Variants in BRAF observed in about 807,000 individuals in gnomAD.
BRAF encodes B-Raf proto-oncogene, serine/threonine kinase.
BRAF carries 16 observed loss-of-function variants against 104.6 expected under a neutral mutation model. The observed-to-expected ratio is 0.15, with a 90% confidence interval of 0.10 to 0.23. BRAF has a LOEUF of 0.23. Ranked by LOEUF, BRAF falls within the 10% of genes least tolerant of loss-of-function variation. The pLI, the probability that BRAF is intolerant of heterozygous loss-of-function variation, is 1.00. For missense variants in BRAF, 541 were observed against 937.3 expected (o/e 0.58, Z 5.52); for synonymous variants, 310 against 341.6 (o/e 0.91, Z 1.02).
chr7:140,876,678 A>T (rs973580308), intron 1 of BRAF, among the ~76,000 whole-genome samples: 1 of 152,174 alleles, frequency 6.6e-6, no homozygotes, highest in East Asian at 1.9e-4. Context: ...GAACATTACA[A>T]ATAGGAAAAC....
chr7:140,719,255 GTCTA>G, downstream of BRAF: 1 of 604,444 alleles, frequency 1.7e-6, no homozygotes, highest in Non-Finnish European at 2.1e-6. Flanking sequence ...TCTCTCCATT[GTCTA>G]GAAAAACTGT....
At chr7:140,798,490 G>A (rs910423785) in intron 7 of BRAF, among the ~76,000 whole-genome samples, 5 of 150,086 alleles carry the variant, frequency 3.3e-5, no homozygotes, top group African/African-American at 4.9e-5. Flanking sequence ...ATGATCTCCC[G>A]ACCTCGTGAT....
intron 3 of BRAF, among the ~76,000 whole-genome samples, chr7:140,814,807 T>C (rs562676089): frequency 6.8e-6 from 1 of 146,278 alleles, no homozygotes; most frequent in South Asian, 2.1e-4. Context: ...ATATATTATA[T>C]ATAACATATA....
At chr7:140,851,197 T>C (rs1311739950) in intron 1 of BRAF, among the ~76,000 whole-genome samples, 1 of 145,210 alleles carries the variant, frequency 6.9e-6, no homozygotes, top group Non-Finnish European at 1.5e-5. Context: ...AGTAATCAGG[T>C]TTTTTTTCTT....
intron 9 of BRAF, chr7:140,785,890 C>T (rs1267646): frequency 0.22 from 86,676 of 397,150 alleles, 15,407 homozygotes; most frequent in African/African-American, 0.66. Flanking sequence ...GGGGAATAAA[C>T]AAGATGAATT....
chr7:140,814,925 T>C (rs1804703692), intron 3 of BRAF, among the ~76,000 whole-genome samples: 1 of 150,778 alleles, frequency 6.6e-6, no homozygotes. Flanking sequence ...TGTTTAATTC[T>C]TTGAGATAGT....
intron 1 of BRAF, among the ~76,000 whole-genome samples, chr7:140,915,395 A>C (rs1817507551): frequency 2.0e-5 from 3 of 152,006 alleles, no homozygotes. Flanking sequence ...AAAATATAAA[A>C]CAAAAGTATT....
chr7:140,754,019 G>C, intron 15 of BRAF, 168 bp downstream of exon 14: 1 of 690,712 alleles, frequency 1.4e-6, no homozygotes, highest in Non-Finnish European at 2.5e-6. Flanking sequence ...ACCAAAAGCA[G>C]GCTGTGGTAT....
chr7:140,745,582 C>T (rs1797284306), intron 17 of BRAF, among the ~76,000 whole-genome samples: 2 of 152,182 alleles, frequency 1.3e-5, no homozygotes, highest in African/African-American at 4.8e-5. Flanking sequence ...ATTTTTCATA[C>T]TTTCAATACA....
At chr7:140,850,353 T>C in intron 1 of BRAF, 141 bp from the exon 2 acceptor site, 1 of 609,270 alleles carries the variant, frequency 1.6e-6, no homozygotes, top group Non-Finnish European at 2.8e-6. Context: ...CAGTGGTTTT[T>C]CTCTTTTATT....
chr7:140,780,400 C>G (rs536674831), intron 12 of BRAF: 1 of 152,202 alleles, frequency 6.6e-6, no homozygotes, highest in Non-Finnish European at 1.5e-5. Flanking sequence ...ACCACCAAGC[C>G]TGGCTAATTT....
chr7:140,724,016 AG>A lies in BRAF; in HGVS notation c.*2477del. ...AGAGGTTTAAATATTTTATTTTTTA[AG>A]GTATCTATAAAAATCTCAATATGCT... On this transcript the variant is annotated 3_prime_UTR_variant, in exon 20 of 20. Transcript: ENST00000644969. 9.6e-7 allele frequency: 1 copy of A among 1,043,750 alleles called. No homozygotes were observed. Among genetic ancestry groups the A allele is most frequent in the Non-Finnish European group, 1.2e-6 (1 of 865,626 alleles). The allele number at this position is 1,043,750 out of a possible 1,614,324, so 64.7% of individuals were successfully genotyped here.
At chr7:140,859,425 C>T (rs1416273174) in intron 1 of BRAF, among the ~76,000 whole-genome samples, 1 of 152,176 alleles carries the variant, frequency 6.6e-6, no homozygotes, top group Non-Finnish European at 1.5e-5. Context: ...ATGGGGATAA[C>T]AGACCTTAGG....
chr7:140,799,196 C>A (rs1032890879), intron 7 of BRAF: 7 of 220,128 alleles, frequency 3.2e-5, no homozygotes, highest in Non-Finnish European at 4.6e-5. Context: ...TTATCCTCAA[C>A]TGATTAATAA....
At chr7:140,778,190 T>C in intron 12 of BRAF, 115 bp from the exon 12 acceptor site, 2 of 916,906 alleles carry the variant, frequency 2.2e-6, no homozygotes, top group Non-Finnish European at 3.4e-6. Context: ...CATTATTAAA[T>C]CACAAATAAA....
intron 3 of BRAF, among the ~76,000 whole-genome samples, chr7:140,812,719 G>T (rs965985605): frequency 3.9e-5 from 6 of 152,022 alleles, no homozygotes; most frequent in Non-Finnish European, 1.5e-5. Flanking sequence ...AAAACAGAAA[G>T]ACCAAAATAG....
At chr7:140,913,469 C>CTTT (rs369746551) in intron 1 of BRAF, among the ~76,000 whole-genome samples, 1,347 of 57,032 alleles carry the variant, frequency 0.024, 390 homozygotes, top group African/African-American at 0.04. Context: ...TTAATCACAG[C>CTTT]TTTTTTTTTT....
chr7:140,799,143 C>T lies in BRAF; in HGVS notation c.980+1219G>A, dbSNP rs1274929635. On this transcript the variant is annotated intron_variant, in intron 7 of 19. Coordinates refer to ENST00000644969, the MANE Select transcript of BRAF (RefSeq NM_001374258.1). The stretch of plus-strand genomic sequence containing the variant: ...CTGGGATTACATGCGTGAACCACCG[C>T]ACCCGGCTGCCTTTGCATTATTTTT... The T allele has an allele frequency of 4.0e-5, 8 of 201,804 alleles. No homozygotes were observed. The East Asian group carries it at 6.0e-4, about 15-fold the overall frequency. 12.5% of individuals were successfully genotyped at this position (201,804 alleles called of 1,614,324 possible).
intron 2 of BRAF, among the ~76,000 whole-genome samples, chr7:140,846,691 A>G (rs1808580116): frequency 6.6e-6 from 1 of 151,956 alleles, no homozygotes; most frequent in Non-Finnish European, 1.5e-5. Context: ...GGCATATTTT[A>G]CCCCAATAAA....
Sources: allele counts gnomAD v4.1 joint callset (sites outside exome capture counted in the v4.1 genomes callset), GRCh38; gene constraint gnomAD v4.1.1; transcripts MANE v1.5; gene names NCBI Gene and HGNC (gene_info 2026-07-23, HGNC 2026-07-21).